The following LCMT1 variants were observed in gnomAD, a reference collection of about 807,000 sequenced individuals.
LCMT1 encodes the protein leucine carboxyl methyltransferase 1.
Under a neutral mutation model 47.7 loss-of-function variants are expected in LCMT1, and 32 were observed. The observed-to-expected ratio is 0.67, with a 90% CI of 0.51 to 0.90. LCMT1 has a LOEUF of 0.90. Ranked by LOEUF, LCMT1 falls within the 40% of genes least tolerant of loss-of-function variation. The pLI, the probability that LCMT1 is intolerant of heterozygous loss-of-function variation, is 0.00. For synonymous variants in LCMT1, 152 were observed against 149.7 expected (o/e 1.02, Z -0.11); for missense variants, 375 against 415.2 (o/e 0.90, Z 0.84).
intron 5 of LCMT1, among the ~76,000 whole-genome samples, chr16:25,154,176 A>AT (rs1248734336): frequency 2.0e-5 from 3 of 147,690 alleles, no homozygotes; most frequent in Non-Finnish European, 4.5e-5. Context: ...CGCCTGGCTA[A>AT]TTTTTTTTTG....
At chr16:25,174,551 A>G (rs1162007297) in intron 9 of LCMT1, among the ~76,000 whole-genome samples, 5 of 152,158 alleles carry the variant, frequency 3.3e-5, no homozygotes. Context: ...GTATGGACCT[A>G]CCCCATTTTT....
intron 1 of LCMT1, among the ~76,000 whole-genome samples, chr16:25,122,861 G>A (rs1960034213): frequency 6.6e-6 from 1 of 152,046 alleles, no homozygotes; most frequent in South Asian, 2.1e-4. Flanking sequence ...ATGTTGCCCA[G>A]GCTGGTCTCA....
intron 7 of LCMT1, among the ~76,000 whole-genome samples, chr16:25,167,356 C>A (rs538144528): frequency 7.3e-5 from 11 of 151,072 alleles, no homozygotes; most frequent in Non-Finnish European, 1.5e-4. Flanking sequence ...CTCGTTCTGT[C>A]GCCCAGGCTG....
chr16:25,142,266 T>C (rs1461475919), intron 4 of LCMT1: 1 of 152,142 alleles, frequency 6.6e-6, no homozygotes, highest in East Asian at 1.9e-4. Flanking sequence ...GAGCCCAAGT[T>C]TGATTAGGGT....
chr16:25,175,542 G>GA (rs1961905870), intron 10 of LCMT1, among the ~76,000 whole-genome samples: 1 of 152,034 alleles, frequency 6.6e-6, no homozygotes, highest in African/African-American at 2.4e-5. Context: ...TGAGGCAGGA[G>GA]AATCACTTGT....
At chr16:25,119,903 G>A (rs759334014) in intron 1 of LCMT1, among the ~76,000 whole-genome samples, 1 of 152,118 alleles carries the variant, frequency 6.6e-6, no homozygotes, top group African/African-American at 2.4e-5. Context: ...GCTCATGCCT[G>A]TAATCCCAGC....
At chr16:25,171,034 G>A (rs577373153) in intron 9 of LCMT1, among the ~76,000 whole-genome samples, 109 of 152,234 alleles carry the variant, frequency 7.2e-4, no homozygotes, top group African/African-American at 2.5e-3. Flanking sequence ...TCAGGAGTTC[G>A]AGACCGGCCT....
chr16:25,161,102 A>G lies in LCMT1; in HGVS notation c.467A>G (p.Asp156Gly), dbSNP rs748324954. 1 of 1,591,056 alleles carries G rather than the reference A, an allele frequency of 6.3e-7. No homozygotes were observed. ...ELHSEDTLQM[D>G]GHILDSKRYA... ...TTATAGCCTCTGATTGCATTTGCAG[A>G]TGGACACATACTGGATTCAAAGAGA... The change falls in exon 6 of 11, where the codon GAT becomes GGT. Residue 156 changes from aspartate to glycine, a missense_variant and splice_region_variant. Coordinates refer to ENST00000399069, the MANE Select transcript of LCMT1 (RefSeq NM_016309.3).
chr16:25,172,394 T>C (rs1340534623), intron 9 of LCMT1, among the ~76,000 whole-genome samples: 1 of 152,230 alleles, frequency 6.6e-6, no homozygotes, highest in Non-Finnish European at 1.5e-5. Context: ...TAATTAAAAA[T>C]GTCTGTAGCT....
intron 1 of LCMT1, among the ~76,000 whole-genome samples, chr16:25,127,655 A>G (rs757148566): frequency 6.6e-6 from 1 of 152,204 alleles, no homozygotes; most frequent in Non-Finnish European, 1.5e-5. Flanking sequence ...TATCATTAGG[A>G]TGCTTTGGGC....
intron 9 of LCMT1, among the ~76,000 whole-genome samples, chr16:25,171,617 A>T (rs955924136): frequency 6.6e-6 from 1 of 152,186 alleles, no homozygotes; most frequent in African/African-American, 2.4e-5. Flanking sequence ...TTGGCAGTGG[A>T]AATTTTACAT....
chr16:25,140,267 A>C lies in LCMT1; in HGVS notation c.404+20A>C. 1 of 1,552,116 alleles carries C rather than the reference A, an allele frequency of 6.4e-7. No homozygotes were observed. The highest frequency in any genetic ancestry group is 1.4e-5 in the African/African-American group (1 of 73,858). ...TATCAAGTAAGTGTGGCATGGCCAG[A>C]AGAACAAAAGCCAGCGAGAATTCAG... On this transcript the variant is annotated intron_variant, in intron 4 of 10. Coordinates refer to ENST00000399069, the MANE Select transcript of LCMT1 (RefSeq NM_016309.3).
chr16:25,177,861 A>G (rs1961995527), intron 10 of LCMT1, 140 bp from the exon 11 acceptor site: 8 of 745,728 alleles, frequency 1.1e-5, no homozygotes, highest in South Asian at 7.8e-5. Flanking sequence ...GCGAAACCTC[A>G]TTTTATGTAG....
rs1027076573 is a variant in LCMT1, at chr16:25,132,158, C to T, written c.206-244C>T. The T allele has an allele frequency of 7.6e-6, 4 of 525,988 alleles. No homozygotes were observed. The African/African-American group carries it at 7.7e-5, about 10-fold the overall frequency. 32.6% of individuals were successfully genotyped at this position (525,988 alleles called of 1,614,324 possible). A position where few individuals can be genotyped will look rare whatever the true frequency, so the allele number is the denominator to read the frequency against. On this transcript the variant is annotated intron_variant, in intron 2 of 10. Transcript: ENST00000399069. ...ATTTTTCATACATAAAACTATAGCT[C>T]ATTTTTTCAAAGGTAGTTAATTGCT...
intron 2 of LCMT1, among the ~76,000 whole-genome samples, chr16:25,131,866 A>AT (rs1350542471): frequency 6.6e-6 from 1 of 152,136 alleles, no homozygotes; most frequent in East Asian, 1.9e-4. Flanking sequence ...GTAGCAAGCC[A>AT]TTTTATTAGG....
At chr16:25,138,487 G>T (rs142684717) in intron 3 of LCMT1, among the ~76,000 whole-genome samples, 49 of 152,194 alleles carry the variant, frequency 3.2e-4, no homozygotes, top group Non-Finnish European at 6.5e-4. Context: ...TACCAAGCAA[G>T]CCAGGTGACC....
At chr16:25,124,945 A>G (rs569833752) in intron 1 of LCMT1, among the ~76,000 whole-genome samples, 11 of 152,354 alleles carry the variant, frequency 7.2e-5, no homozygotes, top group South Asian at 6.2e-4. Flanking sequence ...AGTGATTTAA[A>G]GACACACTAA....
chr16:25,114,500 T>C (rs1014903495), intron 1 of LCMT1, among the ~76,000 whole-genome samples: 1 of 152,170 alleles, frequency 6.6e-6, no homozygotes, highest in Non-Finnish European at 1.5e-5. Flanking sequence ...GCACTTTTCA[T>C]GGTAGCCCAC....
At chr16:25,154,325 TA>T (rs1192159615) in intron 5 of LCMT1, among the ~76,000 whole-genome samples, 1 of 151,536 alleles carries the variant, frequency 6.6e-6, no homozygotes, top group Admixed American at 6.6e-5. Context: ...CCCTATTATT[TA>T]AAAAAAATTA....
Sources: allele counts gnomAD v4.1 joint callset (sites outside exome capture counted in the v4.1 genomes callset), GRCh38; gene constraint gnomAD v4.1.1; transcripts MANE v1.5; gene names NCBI Gene and HGNC (gene_info 2026-07-23, HGNC 2026-07-21).